Variants in ST7 observed in about 807,000 individuals in gnomAD.
The protein encoded by ST7 is suppressor of tumorigenicity 7 protein.
Under a neutral mutation model 78.7 loss-of-function variants are expected in ST7, and 28 were observed. That is an observed-to-expected ratio of 0.36 (90% CI 0.26 to 0.49). The LOEUF (loss-of-function observed/expected upper bound fraction) is 0.49. Among genes scored for constraint, ST7 ranks in the 20% least tolerant of loss-of-function variants. The probability of loss-of-function intolerance (pLI) is 0.99; values close to 1 mark genes in which losing one functional copy is unlikely to be tolerated. For synonymous variants in ST7, 247 were observed against 249.6 expected (o/e 0.99, Z 0.10); for missense variants, 418 against 696.0 (o/e 0.60, Z 4.49).
chr7:117,221,048 C>A (rs1044578192), intron 14 of ST7, among the ~76,000 whole-genome samples: 1 of 152,086 alleles, frequency 6.6e-6, no homozygotes, highest in African/African-American at 2.4e-5. Context: ...TCCCCCAGCA[C>A]CCCCAGCAGG....
intron 1 of ST7, among the ~76,000 whole-genome samples, chr7:116,976,107 CA>C (rs1793692263): frequency 6.6e-6 from 1 of 151,588 alleles, no homozygotes; most frequent in African/African-American, 2.4e-5. Context: ...CTAAAACATA[CA>C]AAAAAAATTA....
chr7:117,032,210 A>G (rs1209624815), intron 1 of ST7, among the ~76,000 whole-genome samples: 1 of 152,124 alleles, frequency 6.6e-6, no homozygotes, highest in Admixed American at 6.6e-5. Flanking sequence ...AATTAAAAAA[A>G]GAATGGTTTT....
chr7:117,032,090 C>G (rs891358646), intron 1 of ST7, among the ~76,000 whole-genome samples: 2 of 151,700 alleles, frequency 1.3e-5, no homozygotes, highest in Non-Finnish European at 2.9e-5. Flanking sequence ...CCATGTTGAC[C>G]AGGCTGGTCT....
intron 7 of ST7, among the ~76,000 whole-genome samples, chr7:117,135,752 T>A (rs1365332246): frequency 6.6e-6 from 1 of 152,016 alleles, no homozygotes; most frequent in Non-Finnish European, 1.5e-5. Context: ...TACTTAACCT[T>A]CACAACAACA....
At chr7:117,122,490 T>C (rs1803475981) in intron 3 of ST7, among the ~76,000 whole-genome samples, 1 of 152,210 alleles carries the variant, frequency 6.6e-6, no homozygotes, top group South Asian at 2.1e-4. Context: ...TTGGATATTA[T>C]TACTAGTTCA....
At chr7:116,984,891 G>A (rs757928478) in intron 1 of ST7, among the ~76,000 whole-genome samples, 2 of 152,072 alleles carry the variant, frequency 1.3e-5, no homozygotes, top group African/African-American at 2.4e-5. Context: ...GTCATGACGT[G>A]ATTATTAAAT....
At chr7:116,956,593 CA>C (rs780729114) in intron 1 of ST7, 1 of 471,194 alleles carries the variant, frequency 2.1e-6, no homozygotes, top group South Asian at 1.5e-5. Flanking sequence ...TCCATAGGCC[CA>C]GCTCTGTACC....
At chr7:117,112,256 GA>G (rs1220385508) in intron 2 of ST7, 1 of 152,136 alleles carries the variant, frequency 6.6e-6, no homozygotes, top group Non-Finnish European at 1.5e-5. Context: ...GTGTTTTTGG[GA>G]AAGTGGTAGC....
At chr7:117,007,378 C>T (rs1210651195) in intron 1 of ST7, among the ~76,000 whole-genome samples, 3 of 152,196 alleles carry the variant, frequency 2.0e-5, no homozygotes, top group Non-Finnish European at 4.4e-5. Context: ...AAGGAACTCT[C>T]TTTAATTTCT....
At chr7:116,965,023 AG>A (rs1261164361) in intron 1 of ST7, among the ~76,000 whole-genome samples, 1 of 152,220 alleles carries the variant, frequency 6.6e-6, no homozygotes, top group Non-Finnish European at 1.5e-5. Context: ...AAAGATATGC[AG>A]ACTTAGTTTA....
chr7:116,972,307 C>T (rs921924628), intron 1 of ST7: 13 of 579,784 alleles, frequency 2.2e-5, no homozygotes, highest in East Asian at 9.8e-5. Flanking sequence ...AAACCCATCA[C>T]GGGCCTCTCC....
intron 1 of ST7, 43 bp downstream of exon 1, chr7:116,953,734 GC>G: frequency 9.8e-7 from 1 of 1,023,344 alleles, no homozygotes; most frequent in Non-Finnish European, 1.3e-6. Flanking sequence ...CCCCTCCCCC[GC>G]CCCGGAAAGT....
intron 1 of ST7, among the ~76,000 whole-genome samples, chr7:116,983,166 G>T (rs541977985): frequency 6.6e-6 from 1 of 152,244 alleles, no homozygotes; most frequent in African/African-American, 2.4e-5. Context: ...CCAAAGTGCT[G>T]GGATTACAGG....
intron 1 of ST7, among the ~76,000 whole-genome samples, chr7:116,958,860 A>G (rs900967666): frequency 1.3e-5 from 2 of 152,186 alleles, no homozygotes; most frequent in Non-Finnish European, 1.5e-5. Context: ...GGAAGTCATA[A>G]TCTTTTTGCT....
intron 9 of ST7, among the ~76,000 whole-genome samples, chr7:117,144,584 A>G (rs10278192): frequency 0.28 from 41,747 of 150,088 alleles, 7,452 homozygotes; most frequent in African/African-American, 0.51. Context: ...AGTGAGCTGT[A>G]ATCAGGCCAC....
At chr7:117,002,813 CTTTTTTTTT>C (rs397970060) in intron 1 of ST7, among the ~76,000 whole-genome samples, 1,542 of 72,182 alleles carry the variant, frequency 0.021, 16 homozygotes, top group Admixed American at 0.037. Flanking sequence ...ATTTTTTTTC[CTTTTTTTTT>C]TTTTTTTTTT....
intron 9 of ST7, among the ~76,000 whole-genome samples, chr7:117,156,166 T>G (rs1340397830): frequency 2.6e-5 from 4 of 152,306 alleles, no homozygotes; most frequent in African/African-American, 7.2e-5. Flanking sequence ...ATTTTTCCTT[T>G]CCCCAGAATG....
chr7:117,130,878 T>C (rs1006847873), intron 5 of ST7, among the ~76,000 whole-genome samples: 2 of 151,906 alleles, frequency 1.3e-5, no homozygotes, highest in African/African-American at 4.8e-5. Flanking sequence ...ATATGAATCT[T>C]ATATGAAGCT....
intron 15 of ST7, chr7:117,223,014 G>GCTC: frequency 6.8e-7 from 1 of 1,473,612 alleles, no homozygotes; most frequent in Non-Finnish European, 9.5e-7. Flanking sequence ...CACCAAAACT[G>GCTC]CTCCTCCTCC....
Sources: allele counts gnomAD v4.1 joint callset (sites outside exome capture counted in the v4.1 genomes callset), GRCh38; gene constraint gnomAD v4.1.1; transcripts MANE v1.5; gene names NCBI Gene and HGNC (gene_info 2026-07-23, HGNC 2026-07-21).